Variants in FLT4 observed in about 807,000 individuals in gnomAD.
FLT4 encodes fms related receptor tyrosine kinase 4, also known as vascular endothelial growth factor receptor 3.
Under a neutral mutation model 163.2 loss-of-function variants are expected in FLT4, and 30 were observed. The observed-to-expected ratio is 0.18, with a 90% CI of 0.14 to 0.25. FLT4 has a LOEUF of 0.25. Ranked by LOEUF, FLT4 falls within the 10% of genes least tolerant of loss-of-function variation. The probability of loss-of-function intolerance (pLI) is 1.00; values close to 1 mark genes in which losing one functional copy is unlikely to be tolerated. For synonymous variants in FLT4, 884 were observed against 789.5 expected, an observed-to-expected ratio of 1.12 and a Z score of -2.01; for missense variants, 1,510 against 1,863.8, an observed-to-expected ratio of 0.81 and a Z score of 3.50.
At position 180,621,588 on chromosome 5, in the gene FLT4, C is replaced by T. The variant is rs1200967311; in HGVS notation, c.1974G>A (p.Arg658=). ...EGHYVCEVQD[R]RSHDKHCHKK... The stretch of plus-strand genomic sequence containing the variant: ...TGTGGCAGTGCTTGTCATGGCTGCG[C>T]CGGTCTTGCACTTCGCACACATAGT... The change falls in exon 13 of 30, where the codon CGG becomes CGA. Residue 658 remains arginine, a synonymous_variant. Coordinates refer to ENST00000261937, the MANE Select transcript of FLT4 (RefSeq NM_182925.5). The T allele has an allele frequency of 1.2e-6, 2 of 1,611,656 alleles. No homozygotes were observed. The highest frequency in any genetic ancestry group is 1.7e-6 in the Non-Finnish European group (2 of 1,179,204).
chr5:180,648,998 C>T lies in FLT4; in HGVS notation c.58+490G>A, dbSNP rs1345103640. 2.0e-5 allele frequency among the ~76,000 whole-genome samples: 3 copies of T among 152,192 alleles called. No homozygotes were observed. In the East Asian group the frequency reaches 5.8e-4, roughly 29 times the overall value. ...CGGCCACGGGGAGGGGGAAGCCCGCCTCGAGCGCCCTCTGGGGGACCGACC... is the reference window on the plus strand; with the variant it reads ...CGGCCACGGGGAGGGGGAAGCCCGCTTCGAGCGCCCTCTGGGGGACCGACC... On this transcript the variant is annotated intron_variant, in intron 1 of 29. Coordinates refer to ENST00000261937, the MANE Select transcript of FLT4 (RefSeq NM_182925.5).
chr5:180,607,986 C>T (rs749777049), intron 29 of FLT4: 8 of 648,186 alleles, frequency 1.2e-5, no homozygotes, highest in South Asian at 1.8e-5. Flanking sequence ...CATGAAAGGG[C>T]GTCTCCCTTT....
intron 7 of FLT4, 65 bp downstream of exon 7, chr5:180,629,194 A>T: frequency 6.3e-7 from 1 of 1,594,510 alleles, no homozygotes; most frequent in Admixed American, 1.7e-5. Flanking sequence ...CTGAGTGCTC[A>T]AGGGCACCGT....
At chr5:180,650,067 A>C (rs1366446653), upstream of FLT4, among the ~76,000 whole-genome samples, 1 of 150,244 alleles carries the variant, frequency 6.7e-6, no homozygotes, top group Non-Finnish European at 1.5e-5. Context: ...CGCGCCTGTA[A>C]TCCCAGCTTC....
At chr5:180,643,848 G>A (rs1386985424) in intron 1 of FLT4, among the ~76,000 whole-genome samples, 2 of 150,956 alleles carry the variant, frequency 1.3e-5, no homozygotes, top group Non-Finnish European at 3.0e-5. Context: ...TTGAAGTGGA[G>A]TCTCGCCCTG....
rs1346453580 is a variant in FLT4 at position 180,634,808 on chromosome 5, GGAT to G, written c.59-3033_59-3031del. Among the ~76,000 whole-genome samples the G allele has an allele frequency of 7.9e-3, 12 of 1,526 alleles. 4 individuals are homozygous for G. The highest frequency in any genetic ancestry group is 0.015 in the Non-Finnish European group (11 of 726). The allele number at this position is 1,526 out of a possible 152,430, so 1.0% of individuals were successfully genotyped here. A position where few individuals can be genotyped will look rare whatever the true frequency, so the allele number is the denominator to read the frequency against. On this transcript the variant is annotated intron_variant, in intron 1 of 29. Transcript: ENST00000261937. ...CGGATGAGTGGACAGACAGATGGGT[GGAT>G]GGGTGGGTGGGTGGGTGGGAGGATG...
rs554772222 is a variant in FLT4 at position 180,604,263 on chromosome 5, C to T, written c.3894-873G>A. Among the ~76,000 whole-genome samples, 7 of 152,198 alleles carry T rather than the reference C, an allele frequency of 4.6e-5. No homozygotes were observed. In the East Asian group the frequency reaches 5.8e-4, roughly 13 times the overall value. ...ACTCTGTCTTGCCCATCTCAGTGAA[C>T]GGCACCACCGTCCCCTCAGCCGCTC... On this transcript the variant is annotated intron_variant, in intron 29 of 29. Transcript: ENST00000261937.
chr5:180,634,889 GATGC>G (rs1354152765), intron 1 of FLT4, among the ~76,000 whole-genome samples: 4 of 48,944 alleles, frequency 8.2e-5, no homozygotes, highest in Non-Finnish European at 8.5e-5. Context: ...TGGGTGGATG[GATGC>G]ATGGATGGAT....
Position 180,619,671 on chromosome 5 carries a change from G to T in FLT4, c.2641C>A (p.Leu881Met). ...CCGCCCGCTGACCCCACACCTTTCA[G>T]CATTTTCACGGCCACGGTGTCACAG... The part of the protein sequence containing the change: ...SSCDTVAVKM[L>M]KEGATASEHR... The change falls in exon 18 of 30, where the codon CTG becomes ATG. Residue 881 changes from leucine to methionine, a missense_variant. Physicochemically the swap from Leu to Met is conservative, Grantham distance 15. This residue lies in a region of FLT4 where 878 missense variants were observed against 1,016.7 expected (regional missense o/e 0.86). Coordinates refer to ENST00000261937, the MANE Select transcript of FLT4 (RefSeq NM_182925.5). 6.2e-7 allele frequency: 1 copy of T among 1,611,950 alleles called. No homozygotes were observed. The highest frequency in any genetic ancestry group is 8.5e-7 in the Non-Finnish European group (1 of 1,179,194).
chr5:180,609,739 G>T, intron 28 of FLT4, 166 bp downstream of exon 28: 1 of 767,352 alleles, frequency 1.3e-6, no homozygotes, highest in Non-Finnish European at 2.2e-6. Flanking sequence ...GTGAGTCGTG[G>T]CATCGCAGGA....
At chr5:180,639,443 A>C (rs919453081) in intron 1 of FLT4, among the ~76,000 whole-genome samples, 5 of 151,928 alleles carry the variant, frequency 3.3e-5, no homozygotes, top group African/African-American at 1.2e-4. Flanking sequence ...AGATGGAAGG[A>C]TGCATGGATG....
chr5:180,605,083 G>C (rs746439191), intron 29 of FLT4, among the ~76,000 whole-genome samples: 27 of 152,186 alleles, frequency 1.8e-4, no homozygotes, highest in Non-Finnish European at 3.1e-4. Flanking sequence ...ACCTCAGCCT[G>C]CTGAGCGGCT....
Position 180,649,471 on chromosome 5 carries a change from C to T in FLT4, c.58+17G>A. On this transcript the variant is annotated intron_variant, in intron 1 of 29. Coordinates refer to ENST00000261937, the MANE Select transcript of FLT4 (RefSeq NM_182925.5). ...CCAGCCCCACGCTCGGGCGGGTGGC[C>T]CGTTCGCCGCGCTCACCGTCCAGGA... The T allele has an allele frequency of 1.4e-6, 2 of 1,456,072 alleles. No homozygotes were observed. The highest frequency in any genetic ancestry group is 6.1e-5 in the East Asian group (2 of 32,540). 90.2% of individuals were successfully genotyped at this position (1,456,072 alleles called of 1,614,324 possible).
intron 29 of FLT4, among the ~76,000 whole-genome samples, chr5:180,604,970 T>A (rs1226934217): frequency 6.6e-6 from 1 of 152,196 alleles, no homozygotes; most frequent in Non-Finnish European, 1.5e-5. Flanking sequence ...TATCGGGTTT[T>A]TTTCCCCCAA....
chr5:180,604,086 G>T (rs114369361), intron 29 of FLT4, among the ~76,000 whole-genome samples: 2,908 of 152,212 alleles, frequency 0.019, 55 homozygotes, highest in Middle Eastern at 0.048. Context: ...AGTGGAGCAT[G>T]GCATGCGTTC....
At position 180,631,753 on chromosome 5, in the gene FLT4, G is replaced by A. The variant is rs1049210939; in HGVS notation, c.84C>T (p.Thr28=). 9 of 1,610,362 alleles carry A rather than the reference G, an allele frequency of 5.6e-6. No homozygotes were observed. The highest frequency in any genetic ancestry group is 2.2e-5 in the East Asian group (1 of 44,886). ...CCTCCGTGATGTTCAAGGTCGGGGG[G>A]GTCATGGAGTAGCCACTCACCAGGC... ...LDGLVSGYSM[T]PPTLNITEES... The change falls in exon 2 of 30, where the codon ACC becomes ACT. Residue 28 remains threonine (T), a synonymous_variant. Coordinates refer to ENST00000261937, the MANE Select transcript of FLT4 (RefSeq NM_182925.5).
rs755736057 is a variant in FLT4, at chr5:180,624,053, C to T, written c.1430G>A (p.Arg477Gln). The T allele has an allele frequency of 3.3e-5, 54 of 1,612,176 alleles. 1 individual carries two copies. The highest frequency in any genetic ancestry group is 1.3e-4 in the South Asian group (12 of 91,078). Reference protein sequence around the residue: ...KMFAQRSLRRRQQQDLMPQCR... With the variant: ...KMFAQRSLRRQQQQDLMPQCR... ...CTGTGGCATGAGGTCTTGCTGCTGC[C>T]GCCGCCGGCTGCCAGGACCAGAAGA... The change falls in exon 11 of 30, where the codon CGG (arginine) becomes CAG (glutamine). Residue 477 changes from arginine to glutamine, a missense_variant. Arg to Gln is a conservative substitution (Grantham distance 43). Coordinates refer to ENST00000261937, the MANE Select transcript of FLT4 (RefSeq NM_182925.5).
In FLT4 at chr5:180,602,830, C is replaced by T. The variant is rs1056995171; in HGVS notation, c.*362G>A. ...GTGACTCCCAGACCCACAGATTCCT[C>T]GTGGGAAAACAGGGACCAGGCCACC... On this transcript the variant is annotated 3_prime_UTR_variant, in exon 30 of 30. Coordinates refer to ENST00000261937, the MANE Select transcript of FLT4 (RefSeq NM_182925.5). 20 of 559,242 alleles carry T rather than the reference C, an allele frequency of 3.6e-5. No individual in the cohort carries two copies. The highest frequency in any genetic ancestry group is 2.0e-4 in the East Asian group (7 of 35,158). The allele number at this position is 559,242 out of a possible 1,614,324, so 34.6% of individuals were successfully genotyped here. A position where few individuals can be genotyped will look rare whatever the true frequency, so the allele number is the denominator to read the frequency against.
chr5:180,632,354 C>T (rs532347398), intron 1 of FLT4, among the ~76,000 whole-genome samples: 2 of 146,638 alleles, frequency 1.4e-5, no homozygotes, highest in South Asian at 2.1e-4. Context: ...GGTGTCCTTT[C>T]GCTCCTCAGC....
Sources: gnomAD v4.1 joint callset for allele counts (sites outside exome capture counted in the v4.1 genomes callset) on GRCh38, gnomAD v4.1.1 for gene constraint, gnomAD v4.1.1 regional missense constraint, MANE v1.5 for transcripts, NCBI Gene and HGNC (gene_info 2026-07-23, HGNC 2026-07-21) for gene names.